The following SMURF1 variants were observed in gnomAD, a reference collection of about 807,000 sequenced individuals.
SMURF1 encodes E3 ubiquitin-protein ligase SMURF1.
A neutral mutation model predicts 98.0 loss-of-function variants in SMURF1; 44 were observed. The observed-to-expected ratio is 0.45, with a 90% CI of 0.35 to 0.58. The LOEUF (loss-of-function observed/expected upper bound fraction) is 0.58. Among genes scored for constraint, SMURF1 ranks in the 20% least tolerant of loss-of-function variants. The pLI, the probability that SMURF1 is intolerant of heterozygous loss-of-function variation, is 0.00. For missense variants in SMURF1, 687 were observed against 938.4 expected, an observed-to-expected ratio of 0.73 and a Z score of 3.50; for synonymous variants, 396 against 374.9, an observed-to-expected ratio of 1.06 and a Z score of -0.65.
At chr7:99,129,191 A>G (rs776193060) in intron 1 of SMURF1, among the ~76,000 whole-genome samples, 2 of 152,194 alleles carry the variant, frequency 1.3e-5, no homozygotes, top group Non-Finnish European at 2.9e-5. Flanking sequence ...ACATTTTGCA[A>G]TATAATTACC....
rs757383262 is a variant in SMURF1, at chr7:99,061,844, A to G, written c.56-7T>C. 1 of 1,599,928 alleles carries G rather than the reference A, an allele frequency of 6.3e-7. No homozygotes were observed. The highest frequency in any genetic ancestry group is 1.1e-5 in the South Asian group (1 of 87,432). The stretch of plus-strand genomic sequence containing the variant: ...AGGTTCTTGGCACATAACACTAAAA[A>G]CAAAGAAAAATTACTCAGGTTAGCA... On this transcript the variant is annotated splice_region_variant and splice_polypyrimidine_tract_variant and intron_variant, in intron 1 of 17. Coordinates refer to ENST00000361368, the MANE Select transcript of SMURF1 (RefSeq NM_181349.3).
chr7:99,030,740 C>G (rs1450843753), intron 17 of SMURF1, 57 bp from the exon 18 acceptor site: 1 of 1,366,260 alleles, frequency 7.3e-7, no homozygotes, highest in Non-Finnish European at 1.0e-6. Context: ...GGACCAACCT[C>G]AAGGCCAAGG....
At chr7:99,038,634 C>T (rs1189814983) in intron 13 of SMURF1, 109 bp from the exon 14 acceptor site, 10 of 1,314,138 alleles carry the variant, frequency 7.6e-6, no homozygotes, top group Non-Finnish European at 1.0e-5. Flanking sequence ...CAAGACAGGA[C>T]AGCCTCGGGC....
At chr7:99,098,872 A>T (rs1041249414) in intron 1 of SMURF1, among the ~76,000 whole-genome samples, 1 of 152,186 alleles carries the variant, frequency 6.6e-6, no homozygotes, top group Non-Finnish European at 1.5e-5. Context: ...AACAACATTT[A>T]ATAAGCGCTT....
Position 99,048,056 on chromosome 7 carries a change from G to A in SMURF1, c.954-174C>T. On this transcript the variant is annotated intron_variant, in intron 9 of 17. Coordinates refer to ENST00000361368, the MANE Select transcript of SMURF1 (RefSeq NM_181349.3). ...GCTAGCTGTGTCAAACTTGCTGATGGCCACATTAGCCTAAATGTATGTCTA... is the reference window on the plus strand; with the variant it reads ...GCTAGCTGTGTCAAACTTGCTGATGACCACATTAGCCTAAATGTATGTCTA... 3 of 623,842 alleles carry A rather than the reference G, an allele frequency of 4.8e-6. No homozygotes were observed. The South Asian group carries it at 5.6e-5, about 12-fold the overall frequency. 38.6% of individuals were successfully genotyped at this position (623,842 alleles called of 1,614,324 possible).
chr7:99,057,575 T>C (rs760166821), intron 3 of SMURF1, 24 bp from the exon 4 acceptor site: 5 of 1,525,958 alleles, frequency 3.3e-6, no homozygotes, highest in Middle Eastern at 3.5e-4. Context: ...GCAAAACTCA[T>C]TTTTAATTGT....
chr7:99,128,037 A>G (rs62473003), intron 1 of SMURF1, among the ~76,000 whole-genome samples: 27,086 of 152,214 alleles, frequency 0.18, 2,753 homozygotes, highest in South Asian at 0.33. Flanking sequence ...TGTACTGTTC[A>G]GATGAACCCT....
chr7:99,143,704 G>T (rs755443791), intron 1 of SMURF1, 22 bp downstream of exon 1: 2 of 1,548,156 alleles, frequency 1.3e-6, no homozygotes, highest in Admixed American at 3.8e-5. Context: ...CGGGGCGCGG[G>T]TGGGCCTCCC....
intron 1 of SMURF1, among the ~76,000 whole-genome samples, chr7:99,122,745 C>CTTTTTT (rs373204946): frequency 1.8e-5 from 2 of 112,432 alleles, no homozygotes; most frequent in African/African-American, 3.5e-5. Context: ...TTCTTTCTTT[C>CTTTTTT]TTTTTTTTTT....
At chr7:99,079,659 C>A (rs1248033974) in intron 1 of SMURF1, among the ~76,000 whole-genome samples, 18 of 150,986 alleles carry the variant, frequency 1.2e-4, no homozygotes, top group African/African-American at 4.4e-4. Flanking sequence ...AATGTAACCC[C>A]AAAAAAAAAT....
chr7:99,076,356 C>T (rs181192328), intron 1 of SMURF1, among the ~76,000 whole-genome samples: 6 of 152,370 alleles, frequency 3.9e-5, no homozygotes, highest in Admixed American at 2.0e-4. Context: ...TGACAAGTCA[C>T]GCTGATATTA....
chr7:99,039,574 C>T (rs191170697), intron 13 of SMURF1, among the ~76,000 whole-genome samples: 195 of 152,216 alleles, frequency 1.3e-3, no homozygotes, highest in Admixed American at 0.012. Context: ...GTCTCAAACT[C>T]CAACCTTTGA....
At chr7:99,069,596 A>G (rs906314492) in intron 1 of SMURF1, among the ~76,000 whole-genome samples, 1 of 152,112 alleles carries the variant, frequency 6.6e-6, no homozygotes, top group African/African-American at 2.4e-5. Flanking sequence ...AGCTTAAGCA[A>G]TCCTCCCGCC....
intron 1 of SMURF1, among the ~76,000 whole-genome samples, chr7:99,112,219 G>A (rs897486226): frequency 2.6e-5 from 4 of 152,186 alleles, no homozygotes; most frequent in Admixed American, 2.6e-4. Context: ...TGACTTTCAG[G>A]ATCTTTGCAA....
chr7:99,104,075 T>C (rs768987053), intron 1 of SMURF1, among the ~76,000 whole-genome samples: 2 of 151,948 alleles, frequency 1.3e-5, no homozygotes, highest in Admixed American at 6.6e-5. Context: ...TTAGTAGAGA[T>C]GGGGTTTCAC....
chr7:99,096,403 C>T (rs7802107), intron 1 of SMURF1, among the ~76,000 whole-genome samples: 5,520 of 152,196 alleles, frequency 0.036, 140 homozygotes, highest in Middle Eastern at 0.082. Context: ...AACATAATAA[C>T]CAAAATGTCA....
chr7:99,086,064 G>A (rs775622987), intron 1 of SMURF1, among the ~76,000 whole-genome samples: 2 of 152,262 alleles, frequency 1.3e-5, no homozygotes, highest in Middle Eastern at 3.4e-3. Flanking sequence ...CACTTTCCAC[G>A]GCCAGGCGTG....
At chr7:99,050,918 G>A in intron 8 of SMURF1, 1 of 1,550,060 alleles carries the variant, frequency 6.5e-7, no homozygotes, top group South Asian at 1.2e-5. Context: ...CTCTAACCTG[G>A]GCTCAGATGT....
intron 3 of SMURF1, among the ~76,000 whole-genome samples, chr7:99,059,448 A>AAAATAAAATAAATAAAAT (rs1387566253): frequency 4.1e-5 from 6 of 146,364 alleles, no homozygotes; most frequent in African/African-American, 1.5e-4. Flanking sequence ...AAAATAAAAT[A>AAAATAAAATAAATAAAAT]AAATAAAATA....
Sources: allele counts gnomAD v4.1 joint callset (sites outside exome capture counted in the v4.1 genomes callset), GRCh38; gene constraint gnomAD v4.1.1; transcripts MANE v1.5; gene names NCBI Gene and HGNC (gene_info 2026-07-23, HGNC 2026-07-21).